The following NFIB variants were observed in gnomAD, a reference collection of about 807,000 sequenced individuals.
NFIB encodes the protein nuclear factor 1 B-type.
In NFIB, 11 loss-of-function variants were observed where a neutral mutation model predicts 61.5. That is an observed-to-expected ratio of 0.18 (90% confidence interval 0.11 to 0.30). The LOEUF is 0.30. NFIB is among the 10% of genes least tolerant of loss of function. The pLI is 1.00. For synonymous variants in NFIB, 260 were observed against 216.5 expected (o/e 1.20, Z -1.76); for missense variants, 471 against 608.9 (o/e 0.77, Z 2.38).
chr9:14,226,942 C>T (rs532533480), intron 2 of NFIB, among the ~76,000 whole-genome samples: 1 of 151,802 alleles, frequency 6.6e-6, no homozygotes, highest in East Asian at 2.0e-4. Context: ...GAGTTCGTGA[C>T]CAGCCTGACT....
At chr9:14,207,730 C>G (rs534010126) in intron 2 of NFIB, among the ~76,000 whole-genome samples, 2 of 152,180 alleles carry the variant, frequency 1.3e-5, no homozygotes, top group South Asian at 2.1e-4. Flanking sequence ...ATTTCTCCCA[C>G]GTGTCATTTT....
chr9:14,314,239 C>T (rs1588287344), upstream of NFIB: 1 of 787,176 alleles, frequency 1.3e-6, no homozygotes, highest in Non-Finnish European at 1.6e-6. Context: ...GGCGCGAGCG[C>T]TGATCTCTGG....
intron 6 of NFIB, among the ~76,000 whole-genome samples, chr9:14,144,212 T>C (rs911445396): frequency 3.3e-5 from 5 of 152,128 alleles, no homozygotes; most frequent in Non-Finnish European, 7.3e-5. Flanking sequence ...TTTCATAATA[T>C]GATTTGAGAT....
chr9:14,101,714 T>G (rs1396122132), intron 10 of NFIB, among the ~76,000 whole-genome samples: 2 of 152,238 alleles, frequency 1.3e-5, no homozygotes, highest in Admixed American at 6.5e-5. Context: ...GCAGCTGACT[T>G]TGAAATACTT....
At position 14,088,149 on chromosome 9, in the gene NFIB, T is replaced by A; in HGVS notation, c.*160A>T. On this transcript the variant is annotated 3_prime_UTR_variant, in exon 11 of 11. Transcript: ENST00000380953. ...CCAGTCTTCCTCTTTTCCTTTTTTT[T>A]TATTTAAAAAAAAAATTTCTTAAAC... 5 of 1,409,358 alleles carry A rather than the reference T, an allele frequency of 3.5e-6. No homozygotes were observed. Among genetic ancestry groups the A allele is most frequent in the Non-Finnish European group, 4.7e-6 (5 of 1,069,058 alleles). The allele number at this position is 1,409,358 out of a possible 1,614,324, so 87.3% of individuals were successfully genotyped here.
chr9:14,258,508 T>A (rs1052577717), intron 2 of NFIB, among the ~76,000 whole-genome samples: 1 of 152,234 alleles, frequency 6.6e-6, no homozygotes, highest in Non-Finnish European at 1.5e-5. Context: ...CAAAGACAGA[T>A]GATGTTGCAC....
intron 10 of NFIB, chr9:14,102,637 G>GAAA: frequency 7.0e-6 from 3 of 430,806 alleles, no homozygotes; most frequent in African/African-American, 2.2e-5. Context: ...GCAACTTAAA[G>GAAA]AAAAAAAAAA....
At chr9:14,416,738 C>T in the NFIB span, among the ~76,000 whole-genome samples, 16 of 151,838 alleles carry the variant, frequency 1.1e-4, no homozygotes, top group Non-Finnish European at 2.4e-4. Context: ...TAGTGTGGCC[C>T]AAGTGCACAG....
At chr9:14,367,707 G>C (rs923007643) in intron 1 of NFIB, among the ~76,000 whole-genome samples, 1 of 152,096 alleles carries the variant, frequency 6.6e-6, no homozygotes, top group African/African-American at 2.4e-5. Flanking sequence ...CCATAAAAAA[G>C]AATGAGTTCA....
chr9:14,383,317 C>A (rs17708974), intron 1 of NFIB, among the ~76,000 whole-genome samples: 23,659 of 152,128 alleles, frequency 0.16, 2,129 homozygotes, highest in Admixed American at 0.21. Context: ...CAGGTATATC[C>A]TAGTACACTA....
At chr9:14,118,911 C>T (rs537561628) in intron 8 of NFIB, among the ~76,000 whole-genome samples, 73 of 151,242 alleles carry the variant, frequency 4.8e-4, no homozygotes, top group African/African-American at 1.7e-3. Flanking sequence ...TTGAAATATA[C>T]GTAAAACAAG....
intron 2 of NFIB, among the ~76,000 whole-genome samples, chr9:14,237,603 C>T (rs1165594948): frequency 6.6e-6 from 1 of 152,096 alleles, no homozygotes; most frequent in Non-Finnish European, 1.5e-5. Context: ...AAATCTCGTC[C>T]CCACATACCA....
chr9:14,108,095 C>T (rs1056886095), intron 10 of NFIB, among the ~76,000 whole-genome samples: 1 of 152,036 alleles, frequency 6.6e-6, no homozygotes, highest in Non-Finnish European at 1.5e-5. Flanking sequence ...CTGAAACTTC[C>T]TTTAAATGTG....
chr9:14,260,485 G>C (rs1041986512), intron 2 of NFIB, among the ~76,000 whole-genome samples: 3 of 152,122 alleles, frequency 2.0e-5, no homozygotes, highest in African/African-American at 7.2e-5. Flanking sequence ...ATTTACTTTT[G>C]TCGGACTCCA....
At chr9:14,420,234 G>T in the NFIB span, among the ~76,000 whole-genome samples, 2 of 151,894 alleles carry the variant, frequency 1.3e-5, no homozygotes, top group African/African-American at 2.4e-5. Context: ...ATCACTTGAG[G>T]TCAGGAGTTT....
At chr9:14,379,519 T>G (rs117757206) in intron 1 of NFIB, among the ~76,000 whole-genome samples, 1 of 152,146 alleles carries the variant, frequency 6.6e-6, no homozygotes, top group East Asian at 1.9e-4. Context: ...ATAAGAATAA[T>G]GTTTTGTAAA....
In NFIB at chr9:14,173,120, G is replaced by A. The variant is rs75685645; in HGVS notation, c.616+6607C>T. On this transcript the variant is annotated intron_variant, in intron 3 of 10. Transcript: ENST00000380953. ...AGCCTTCTTGATCAAACTAGCTGAA[G>A]AGAAAGTAGAATGAAAAAACCCCTC... 9.9e-3 allele frequency among the ~76,000 whole-genome samples: 1,504 copies of A among 152,282 alleles called. 17 individuals carry two copies. Among genetic ancestry groups the A allele is most frequent in the Non-Finnish European group, 0.017 (1,142 of 68,012 alleles).
the NFIB span, among the ~76,000 whole-genome samples, chr9:14,490,896 T>A: frequency 6.6e-6 from 1 of 152,212 alleles, no homozygotes; most frequent in African/African-American, 2.4e-5. Flanking sequence ...ACCCTAGTTT[T>A]ATACCCTGGA....
the NFIB span, among the ~76,000 whole-genome samples, chr9:14,492,698 A>G: frequency 1.3e-5 from 2 of 152,262 alleles, no homozygotes; most frequent in East Asian, 1.9e-4. Context: ...CCATGATACA[A>G]TCACCTCCCA....
Sources: gnomAD v4.1 joint callset for allele counts (sites outside exome capture counted in the v4.1 genomes callset) on GRCh38, gnomAD v4.1.1 for gene constraint, MANE v1.5 for transcripts, NCBI Gene and HGNC (gene_info 2026-07-23, HGNC 2026-07-21) for gene names.